Variants in PIM2 observed in about 807,000 individuals in gnomAD.
PIM2 encodes serine/threonine-protein kinase pim-2.
In PIM2, 3 loss-of-function variants were observed where a neutral mutation model predicts 18.0. The observed-to-expected ratio is 0.17, with a 90% CI of 0.08 to 0.43. PIM2 has a LOEUF of 0.43. PIM2 is among the 20% of genes least tolerant of loss of function. The pLI is 0.99. For synonymous variants in PIM2, 117 were observed against 105.3 expected (o/e 1.11, Z -0.68); for missense variants, 181 against 260.8 (o/e 0.69, Z 2.11).
In PIM2 at chrX:48,918,789, G is replaced by A. The variant is rs1250337122; in HGVS notation, c.46C>T (p.Pro16Ser). Reference sequence around the variant, plus strand: ...ATGTACTCACCTGGCGGCGGCGTGGGGGTCCCGGGGGGCGCGGGAGGCCCC... The same window carrying A: ...ATGTACTCACCTGGCGGCGGCGTGGAGGTCCCGGGGGGCGCGGGAGGCCCC... ...LQGPPAPPGTPTPPPGGKDRE... is the reference protein window; with the variant it reads ...LQGPPAPPGTSTPPPGGKDRE... Residue 16 changes from proline to serine, a missense_variant, in exon 1 of 6, where the codon CCC becomes TCC. Coordinates refer to ENST00000376509, the MANE Select transcript of PIM2 (RefSeq NM_006875.4). 1 of 1,193,710 alleles carries A rather than the reference G, an allele frequency of 8.4e-7. No homozygotes were observed. Among genetic ancestry groups the A allele is most frequent in the Non-Finnish European group, 1.1e-6 (1 of 889,494 alleles).
In PIM2 at chrX:48,918,885, G is replaced by A. The variant is rs1557045621; in HGVS notation, c.-51C>T. On this transcript the variant is annotated 5_prime_UTR_variant, in exon 1 of 6. Coordinates refer to ENST00000376509, the MANE Select transcript of PIM2 (RefSeq NM_006875.4). Reference sequence around the variant, plus strand: ...CCACTGAACCCGCTAAGCCCGCAGGGCGTGGACGCCCGGGGCAGCGCAGCT... The same window carrying A: ...CCACTGAACCCGCTAAGCCCGCAGGACGTGGACGCCCGGGGCAGCGCAGCT... 2.8e-6 allele frequency: 3 copies of A among 1,077,078 alleles called. No individual in the cohort carries two copies. The highest frequency in any genetic ancestry group is 5.5e-5 in the Admixed American group (2 of 36,531). The allele number at this position is 1,077,078 out of a possible 1,213,427, so 88.8% of individuals were successfully genotyped here.
At position 48,914,276 on chromosome X, in the gene PIM2, C is replaced by T. The variant is rs371741238; in HGVS notation, c.791G>A (p.Arg264His). ...AGAAGGTTTGGGGGCCAGGCACCGG[C>T]GGATTAGGGCACAGCAGTCTGTAGG... ...HVSPDCCALI[R>H]RCLAPKPSSR... is the part of the protein sequence containing the mutation. Residue 264 changes from arginine (R) to histidine (H), a missense_variant, in exon 6 of 6, where the codon CGC (arginine) becomes CAC (histidine). By Grantham distance (29) the Arg-to-His change is conservative (BLOSUM62 0). Transcript: ENST00000376509. 25 of 1,207,491 alleles carry T rather than the reference C, an allele frequency of 2.1e-5. No homozygotes were observed. The highest frequency in any genetic ancestry group is 4.4e-5 in the Admixed American group (2 of 45,485).
At chrX:48,915,508 G>T in intron 3 of PIM2, 116 bp from the exon 4 acceptor site, 1 of 703,771 alleles carries the variant, frequency 1.4e-6, no homozygotes, top group Non-Finnish European at 2.0e-6. Context: ...ACAGTGTGTC[G>T]CTAAGCAACT....
chrX:48,915,642 C>T (rs781911455), intron 3 of PIM2: 57 of 330,253 alleles, frequency 1.7e-4, no homozygotes, highest in Middle Eastern at 1.7e-3. Context: ...TTTGAATAAA[C>T]GAAAGAAGTT....
In PIM2 at chrX:48,918,961, C is replaced by G; in HGVS notation, c.-127G>C. Reference sequence around the variant, plus strand: ...GGGTGGAAAGCAGAGAAACTGGTGGCCCGGAAGCGCCCGCAGACGGCGCAG... The same window carrying G: ...GGGTGGAAAGCAGAGAAACTGGTGGGCCGGAAGCGCCCGCAGACGGCGCAG... On this transcript the variant is annotated 5_prime_UTR_variant, in exon 1 of 6. Transcript: ENST00000376509. 1.9e-6 allele frequency: 1 copy of G among 527,405 alleles called. No homozygotes were observed. Among genetic ancestry groups the G allele is most frequent in the Non-Finnish European group, 3.1e-6 (1 of 324,395 alleles). 43.5% of individuals were successfully genotyped at this position (527,405 alleles called of 1,213,427 possible).
rs2063571551 is a variant in PIM2, at chrX:48,918,990, T to A, written c.-156A>T. On this transcript the variant is annotated 5_prime_UTR_variant, in exon 1 of 6. Coordinates refer to ENST00000376509, the MANE Select transcript of PIM2 (RefSeq NM_006875.4). ...GAAGCGCCCGCAGACGGCGCAGCGT[T>A]GAGATTCGCCGCGCGCGCCAGCCCC... is the stretch of plus-strand genomic sequence containing the variant. 1 of 454,805 alleles carries A rather than the reference T, an allele frequency of 2.2e-6. No homozygotes were observed. The highest frequency in any genetic ancestry group is 2.6e-5 in the African/African-American group (1 of 38,605). 37.5% of individuals were successfully genotyped at this position (454,805 alleles called of 1,213,427 possible). A position where few individuals can be genotyped will look rare whatever the true frequency, so the allele number is the denominator to read the frequency against.
chrX:48,916,718 G>A (rs1444018796), intron 3 of PIM2, among the ~76,000 whole-genome samples: 2 of 109,752 alleles, frequency 1.8e-5, no homozygotes, highest in Non-Finnish European at 3.8e-5. Flanking sequence ...CATGGCAGCG[G>A]GTGCCTGTAA....
Position 48,913,886 on chromosome X carries a change from C to A in PIM2, c.*245G>T. On this transcript the variant is annotated 3_prime_UTR_variant, in exon 6 of 6. Coordinates refer to ENST00000376509, the MANE Select transcript of PIM2 (RefSeq NM_006875.4). ...TAGCAAAATGAGAAGCAAGAAGTTCCCCCTCCAGAATCAGGGACCACAGGT... is the reference window on the plus strand; with the variant it reads ...TAGCAAAATGAGAAGCAAGAAGTTCACCCTCCAGAATCAGGGACCACAGGT... 1 of 318,281 alleles carries A rather than the reference C, an allele frequency of 3.1e-6. No homozygotes were observed. The highest frequency in any genetic ancestry group is 5.4e-6 in the Non-Finnish European group (1 of 184,828). The allele number at this position is 318,281 out of a possible 1,213,427, so 26.2% of individuals were successfully genotyped here. A position where few individuals can be genotyped will look rare whatever the true frequency, so the allele number is the denominator to read the frequency against.
chrX:48,918,489 C>T (rs200261048), intron 2 of PIM2, 47 bp downstream of exon 2: 15 of 941,201 alleles, frequency 1.6e-5, no homozygotes, highest in East Asian at 9.5e-5. Flanking sequence ...AGGACCCCCG[C>T]CCCCGCCACA....
At position 48,914,423 on chromosome X, in the gene PIM2, C is replaced by T. The variant is rs1157602872; in HGVS notation, c.744G>A (p.Glu248=). ...GGGAGACATGGGCTGGGAAGTGGAG[C>T]TCAGCTTCCAGAATCTCCTGGTCCC... ...FERDQEILEA[E]LHFPAHVSPD... is the part of the protein sequence containing the mutation. The change falls in exon 5 of 6, where the codon GAG becomes GAA. Residue 248 remains glutamate (E), a synonymous_variant. Coordinates refer to ENST00000376509, the MANE Select transcript of PIM2 (RefSeq NM_006875.4). The T allele has an allele frequency of 5.0e-6, 6 of 1,208,414 alleles. 1 individual carries two copies. The Admixed American group carries it at 8.8e-5, about 18-fold the overall frequency.
In PIM2 at chrX:48,917,202, A is replaced by C. The variant is rs985076132; in HGVS notation, c.222+579T>G. Reference sequence around the variant, plus strand: ...CTGGGGGCCACAAAATCCGCCCCCCACTGCCTCCCCAAGCCCTGCGCAGGT... The same window carrying C: ...CTGGGGGCCACAAAATCCGCCCCCCCCTGCCTCCCCAAGCCCTGCGCAGGT... On this transcript the variant is annotated intron_variant, in intron 3 of 5. Coordinates refer to ENST00000376509, the MANE Select transcript of PIM2 (RefSeq NM_006875.4). Among the ~76,000 whole-genome samples the C allele has an allele frequency of 4.6e-5, 5 of 108,907 alleles. No homozygotes were observed. In the Admixed American group the frequency reaches 4.8e-4, roughly 11 times the overall value. The allele number at this position is 108,907 out of a possible 115,157, so 94.6% of individuals were successfully genotyped here.
chrX:48,917,146 CTG>C (rs2063565090), intron 3 of PIM2, among the ~76,000 whole-genome samples: 1 of 104,823 alleles, frequency 9.5e-6, no homozygotes, highest in Non-Finnish European at 2.0e-5. Flanking sequence ...CAGAGGGAGA[CTG>C]TGTCTCCAAA....
At chrX:48,918,175 C>T (rs1557045460) in intron 2 of PIM2, among the ~76,000 whole-genome samples, 1 of 108,355 alleles carries the variant, frequency 9.2e-6, no homozygotes, top group African/African-American at 3.4e-5. Flanking sequence ...TCCTGGTCCG[C>T]ATGACTCCAC....
At chrX:48,915,434 A>G in intron 3 of PIM2, 42 bp from the exon 4 acceptor site, 2 of 1,156,274 alleles carry the variant, frequency 1.7e-6, no homozygotes, top group Non-Finnish European at 2.3e-6. Context: ...GAGAAAAAAG[A>G]CAGATGTCAG....
chrX:48,918,303 C>G (rs1436119578), intron 2 of PIM2, among the ~76,000 whole-genome samples: 1 of 72,033 alleles, frequency 1.4e-5, no homozygotes, highest in Admixed American at 1.6e-4. Flanking sequence ...CCCCTGCCCC[C>G]CCCCCCCGCC....
Position 48,918,772 on chromosome X carries a change from A to G in PIM2, c.61+2T>C. The G allele has an allele frequency of 8.4e-7, 1 of 1,186,475 alleles. No homozygotes were observed. Among genetic ancestry groups the G allele is most frequent in the Non-Finnish European group, 1.1e-6 (1 of 883,855 alleles). On this transcript the variant is annotated splice_donor_variant, in intron 1 of 5. Coordinates refer to ENST00000376509, the MANE Select transcript of PIM2 (RefSeq NM_006875.4). LOFTEE classifies it high-confidence loss of function. Reference sequence around the variant, plus strand: ...GGTTGCAGTAGGGGAGGATGTACTCACCTGGCGGCGGCGTGGGGGTCCCGG... The same window carrying G: ...GGTTGCAGTAGGGGAGGATGTACTCGCCTGGCGGCGGCGTGGGGGTCCCGG...
chrX:48,918,360 G>A (rs977319344), intron 2 of PIM2, among the ~76,000 whole-genome samples, 176 bp downstream of exon 2: 1 of 73,030 alleles, frequency 1.4e-5, no homozygotes, highest in Non-Finnish European at 2.5e-5. Context: ...CACACACCTG[G>A]CCCTCTACAC....
chrX:48,917,504 T>C (rs1221207596), intron 3 of PIM2, among the ~76,000 whole-genome samples: 2 of 113,151 alleles, frequency 1.8e-5, no homozygotes, highest in Non-Finnish European at 3.7e-5. Flanking sequence ...TGGCAACCAG[T>C]GACCTCTGCC....
chrX:48,914,671 C>T (rs782690651), intron 4 of PIM2, 100 bp from the exon 5 acceptor site: 1 of 738,727 alleles, frequency 1.4e-6, no homozygotes, highest in East Asian at 3.5e-5. Flanking sequence ...TAAGAGCACT[C>T]AAGATAAAAG....
Sources: allele counts gnomAD v4.1 joint callset (sites outside exome capture counted in the v4.1 genomes callset), GRCh38; gene constraint gnomAD v4.1.1; transcripts MANE v1.5; gene names NCBI Gene and HGNC (gene_info 2026-07-23, HGNC 2026-07-21).